The following ZNF782 variants were observed in gnomAD, a reference collection of about 807,000 sequenced individuals.
The protein encoded by ZNF782 is zinc finger protein 782.
ZNF782 carries 12 observed loss-of-function variants against 13.0 expected under a neutral mutation model. The ratio of observed to expected loss-of-function variants is 0.92; its 90% CI spans 0.59 to 1.50. The LOEUF (loss-of-function observed/expected upper bound fraction) is 1.50, where lower values mean the gene tolerates loss of function less well. Among genes scored for constraint, ZNF782 ranks in the 40% most tolerant of loss-of-function variants. The probability of loss-of-function intolerance (pLI) is 0.00; values close to 1 mark genes in which losing one functional copy is unlikely to be tolerated. For missense variants in ZNF782, 770 were observed against 822.9 expected (o/e 0.94, Z 0.79); for synonymous variants, 284 against 283.0 (o/e 1.00, Z -0.04).
chr9:96,844,629 T>C (rs1851292701), intron 4 of ZNF782, among the ~76,000 whole-genome samples: 1 of 152,092 alleles, frequency 6.6e-6, no homozygotes, highest in African/African-American at 2.4e-5. Context: ...AAGAATCTTC[T>C]GGGGGGTGAT....
Position 96,846,171 on chromosome 9 carries a change from G to A in ZNF782, c.16-1155C>T, listed in dbSNP as rs187744768. Among the ~76,000 whole-genome samples the A allele has an allele frequency of 9.2e-5, 14 of 152,198 alleles. No homozygotes were observed. In the East Asian group the frequency reaches 2.5e-3, roughly 27 times the overall value. Reference sequence around the variant, plus strand: ...GAGGGACTTTGTCGTTACCAAACCAGCACTATGAGAAATGCTAAAAAGAGT... The same window carrying A: ...GAGGGACTTTGTCGTTACCAAACCAACACTATGAGAAATGCTAAAAAGAGT... On this transcript the variant is annotated intron_variant, in intron 3 of 5. Transcript: ENST00000481138.
At chr9:96,910,652 T>G in the ZNF782 span, among the ~76,000 whole-genome samples, 38 of 151,140 alleles carry the variant, frequency 2.5e-4, no homozygotes, top group Admixed American at 6.6e-4. Context: ...TTTTCTTTTT[T>G]TTGAGGCAGA....
chr9:96,906,195 A>C, the ZNF782 span, among the ~76,000 whole-genome samples: 5 of 152,304 alleles, frequency 3.3e-5, no homozygotes, highest in East Asian at 5.8e-4. Context: ...TATACTACTA[A>C]TAATAACCAA....
At chr9:96,826,971 G>A (rs1242962005) in intron 5 of ZNF782, 109 bp downstream of exon 5, 1 of 687,148 alleles carries the variant, frequency 1.5e-6, no homozygotes, top group African/African-American at 1.8e-5. Context: ...ATTTTTGTTT[G>A]TATTTTTTCA....
chr9:96,919,777 C>T, the ZNF782 span, among the ~76,000 whole-genome samples: 1 of 150,032 alleles, frequency 6.7e-6, no homozygotes, highest in Non-Finnish European at 1.5e-5. Context: ...TTGGCCTGGT[C>T]TCAAACTCCT....
the ZNF782 span, among the ~76,000 whole-genome samples, chr9:96,930,937 C>T: frequency 2.5e-5 from 3 of 119,216 alleles, no homozygotes; most frequent in Non-Finnish European, 4.9e-5. Context: ...CTCTGTCACC[C>T]GGGCTGGAAT....
chr9:96,929,147 G>A, the ZNF782 span: 1 of 1,575,782 alleles, frequency 6.3e-7, no homozygotes, highest in Non-Finnish European at 8.7e-7. Context: ...GATGTTGAGG[G>A]AGCACTGGAT....
At chr9:96,896,833 T>C in the ZNF782 span, among the ~76,000 whole-genome samples, 2 of 152,296 alleles carry the variant, frequency 1.3e-5, no homozygotes, top group East Asian at 3.9e-4. Flanking sequence ...AGGGATACTA[T>C]CTGAAGCCAC....
chr9:96,899,063 C>T, the ZNF782 span, among the ~76,000 whole-genome samples: 27 of 149,094 alleles, frequency 1.8e-4, 4 homozygotes, highest in South Asian at 4.9e-3. Context: ...TCTGTCTGCC[C>T]GATTGTGAGT....
At chr9:96,901,811 T>G in the ZNF782 span, among the ~76,000 whole-genome samples, 1 of 132,824 alleles carries the variant, frequency 7.5e-6, no homozygotes, top group South Asian at 2.3e-4. Context: ...ACCAGGGAGG[T>G]GGAGGTTGCA....
At chr9:96,896,065 G>C in the ZNF782 span, 1 of 152,212 alleles carries the variant, frequency 6.6e-6, no homozygotes, top group Admixed American at 6.5e-5. Context: ...AGATCTTGGA[G>C]AATGAGAGTA....
the ZNF782 span, chr9:96,929,118 G>A: frequency 1.7e-5 from 27 of 1,592,844 alleles, no homozygotes; most frequent in Non-Finnish European, 2.1e-5. Flanking sequence ...AACTGTCCCT[G>A]GGGACAGCTT....
At chr9:96,928,044 G>T in the ZNF782 span, among the ~76,000 whole-genome samples, 1 of 146,476 alleles carries the variant, frequency 6.8e-6, no homozygotes, top group Non-Finnish European at 1.5e-5. Context: ...CTGGAAAGAT[G>T]AAAAAGAATC....
the ZNF782 span, among the ~76,000 whole-genome samples, chr9:96,881,117 T>C: frequency 1.4e-5 from 2 of 147,660 alleles, no homozygotes; most frequent in African/African-American, 2.6e-5. Context: ...TTAGAACCCC[T>C]GTTTTCTGCC....
chr9:96,838,914 C>T (rs1851095778), intron 4 of ZNF782, among the ~76,000 whole-genome samples: 1 of 152,000 alleles, frequency 6.6e-6, no homozygotes, highest in Non-Finnish European at 1.5e-5. Context: ...TGGGGTTTCA[C>T]CATGTTGGCC....
the ZNF782 span, among the ~76,000 whole-genome samples, chr9:96,912,818 C>T: frequency 4.0e-5 from 6 of 151,650 alleles, no homozygotes; most frequent in African/African-American, 1.5e-4. Context: ...TGAGCCACTG[C>T]GCCCGGCCTT....
At chr9:96,880,466 A>G (rs527438729), upstream of ZNF782, among the ~76,000 whole-genome samples, 5 of 152,160 alleles carry the variant, frequency 3.3e-5, no homozygotes, top group South Asian at 1.0e-3. Flanking sequence ...TTCTAGCTCT[A>G]GTTTTCTGAG....
chr9:96,913,513 C>CA, the ZNF782 span, among the ~76,000 whole-genome samples: 1 of 146,084 alleles, frequency 6.8e-6, no homozygotes, highest in African/African-American at 2.5e-5. Flanking sequence ...AAACATTAAG[C>CA]TTTTTTTTTT....
the ZNF782 span, among the ~76,000 whole-genome samples, chr9:96,913,865 G>A: frequency 2.7e-5 from 4 of 149,910 alleles, no homozygotes; most frequent in Non-Finnish European, 3.0e-5. Context: ...AATGGAGCTA[G>A]TGCAATGGTG....
Sources: allele counts gnomAD v4.1 joint callset (sites outside exome capture counted in the v4.1 genomes callset), GRCh38; gene constraint gnomAD v4.1.1; transcripts MANE v1.5; gene names NCBI Gene and HGNC (gene_info 2026-07-23, HGNC 2026-07-21).